ZNF804B: variants seen among roughly 807,000 people sequenced by gnomAD.
The protein encoded by ZNF804B is zinc finger 804B.
ZNF804B carries 80 observed loss-of-function variants against 101.4 expected under a neutral mutation model. The observed-to-expected ratio is 0.79, with a 90% CI of 0.66 to 0.95. The LOEUF is 0.95. Among genes scored for constraint, ZNF804B ranks in the 40% least tolerant of loss-of-function variants. The pLI, the probability that ZNF804B is intolerant of heterozygous loss-of-function variation, is 0.00. For missense variants in ZNF804B, 1,673 were observed against 1,561.9 expected (o/e 1.07, Z -1.20); for synonymous variants, 622 against 558.8 (o/e 1.11, Z -1.59).
At chr7:89,255,413 G>T (rs1789612933) in intron 2 of ZNF804B, among the ~76,000 whole-genome samples, 1 of 152,128 alleles carries the variant, frequency 6.6e-6, no homozygotes, top group Non-Finnish European at 1.5e-5. Context: ...GGAAGAGATA[G>T]ACAAGTAAAA....
chr7:88,833,757 C>T (rs535275301), intron 1 of ZNF804B, among the ~76,000 whole-genome samples: 1 of 151,912 alleles, frequency 6.6e-6, no homozygotes, highest in South Asian at 2.1e-4. Context: ...GAATTTATTT[C>T]ACTAGGGTGA....
chr7:89,039,637 T>C (rs1788984757), intron 1 of ZNF804B, among the ~76,000 whole-genome samples: 1 of 133,232 alleles, frequency 7.5e-6, no homozygotes, highest in Non-Finnish European at 1.6e-5. Flanking sequence ...ATTTATTTTT[T>C]TCTCTTCAAG....
At position 89,309,759 on chromosome 7, in the gene ZNF804B, CAAAAAAAAAAAAAAAAAA is replaced by C. The variant is rs397791531; in HGVS notation, c.250-17564_250-17547del. On this transcript the variant is annotated intron_variant, in intron 2 of 3. Transcript: ENST00000333190. ...TGGGCTACAGAGTGAGACCCTGTCT[CAAAAAAAAAAAAAAAAAA>C]AAAAAAAAAAAAAAAAAAAAGAAGC... Among the ~76,000 whole-genome samples the C allele has an allele frequency of 3.0e-3, 215 of 70,788 alleles. 5 individuals carry two copies. The highest frequency in any genetic ancestry group is 0.011 in the Middle Eastern group (1 of 94). 46.4% of individuals were successfully genotyped at this position (70,788 alleles called of 152,430 possible). A position where few individuals can be genotyped will look rare whatever the true frequency, so the allele number is the denominator to read the frequency against.
At chr7:89,255,355 C>G (rs1789611642) in intron 2 of ZNF804B, among the ~76,000 whole-genome samples, 1 of 152,128 alleles carries the variant, frequency 6.6e-6, no homozygotes, top group African/African-American at 2.4e-5. Flanking sequence ...TTTTGTTGGG[C>G]ACACACAGCA....
At chr7:89,012,672 T>C (rs1376439245) in intron 1 of ZNF804B, among the ~76,000 whole-genome samples, 1 of 152,136 alleles carries the variant, frequency 6.6e-6, no homozygotes, top group Non-Finnish European at 1.5e-5. Flanking sequence ...GTCAAAGCCA[T>C]TCAACAAGTC....
intron 1 of ZNF804B, among the ~76,000 whole-genome samples, chr7:88,945,754 C>G (rs1793119154): frequency 6.6e-6 from 1 of 151,922 alleles, no homozygotes; most frequent in Non-Finnish European, 1.5e-5. Context: ...TTTGTGTCCT[C>G]TCATTTCCTT....
At chr7:89,218,924 T>A (rs1788938474) in intron 2 of ZNF804B, among the ~76,000 whole-genome samples, 1 of 152,110 alleles carries the variant, frequency 6.6e-6, no homozygotes, top group African/African-American at 2.4e-5. Flanking sequence ...TTGGTCTTGC[T>A]GTCTCAGGGG....
At chr7:89,056,453 T>C (rs1789296875) in intron 1 of ZNF804B, among the ~76,000 whole-genome samples, 1 of 152,086 alleles carries the variant, frequency 6.6e-6, no homozygotes. Context: ...TGTGTCTTCT[T>C]AGAGCTTATG....
intron 3 of ZNF804B, among the ~76,000 whole-genome samples, chr7:89,332,053 A>C (rs1194926252): frequency 2.6e-5 from 4 of 151,280 alleles, no homozygotes; most frequent in African/African-American, 9.7e-5. Context: ...AATCTAATGA[A>C]TTATATATAT....
At chr7:89,290,513 C>A (rs980605602) in intron 2 of ZNF804B, among the ~76,000 whole-genome samples, 3 of 152,190 alleles carry the variant, frequency 2.0e-5, no homozygotes, top group Middle Eastern at 6.8e-3. Flanking sequence ...CCAGGCCTGG[C>A]AGTATTCACC....
At chr7:89,269,129 A>G (rs1254541928) in intron 2 of ZNF804B, among the ~76,000 whole-genome samples, 1 of 152,068 alleles carries the variant, frequency 6.6e-6, no homozygotes, top group African/African-American at 2.4e-5. Context: ...TTTGTTATAT[A>G]TGTATACATG....
chr7:89,150,117 C>T (rs1790850794), intron 1 of ZNF804B, among the ~76,000 whole-genome samples: 1 of 151,952 alleles, frequency 6.6e-6, no homozygotes, highest in African/African-American at 2.4e-5. Flanking sequence ...TGCATTGTCC[C>T]ACTCCATCCC....
chr7:89,139,055 T>A (rs2189068), intron 1 of ZNF804B, among the ~76,000 whole-genome samples: 40,629 of 151,940 alleles, frequency 0.27, 5,459 homozygotes, highest in Admixed American at 0.32. Flanking sequence ...CTCAGAGATA[T>A]TGCAGGTTTT....
chr7:88,908,816 C>A (rs150652491), intron 1 of ZNF804B, among the ~76,000 whole-genome samples: 53 of 151,890 alleles, frequency 3.5e-4, no homozygotes, highest in African/African-American at 1.3e-3. Context: ...TCTGTCATGT[C>A]TTCTACTGGC....
chr7:89,009,223 T>C (rs1222722869), intron 1 of ZNF804B, among the ~76,000 whole-genome samples: 1 of 152,188 alleles, frequency 6.6e-6, no homozygotes, highest in Non-Finnish European at 1.5e-5. Context: ...CTCTGACTTC[T>C]TTATCACTTT....
At chr7:89,167,208 G>C (rs1231727005) in intron 1 of ZNF804B, among the ~76,000 whole-genome samples, 2 of 151,842 alleles carry the variant, frequency 1.3e-5, no homozygotes, top group African/African-American at 4.8e-5. Flanking sequence ...GGCTGAGATG[G>C]GTGGATCACC....
intron 1 of ZNF804B, among the ~76,000 whole-genome samples, chr7:89,062,383 C>T (rs1437814085): frequency 1.3e-5 from 2 of 152,072 alleles, no homozygotes; most frequent in East Asian, 1.9e-4. Flanking sequence ...CAAACCCTTG[C>T]CCTAAGCAAT....
intron 1 of ZNF804B, among the ~76,000 whole-genome samples, chr7:89,040,356 T>TTCTTGCTTCTACTTGATTGAA (rs566795696): frequency 4.7e-4 from 72 of 152,250 alleles, no homozygotes; most frequent in African/African-American, 1.6e-3. Flanking sequence ...AACTCACTAG[T>TTCTTGCTTCTACTTGATTGAA]TCTTGCTTCT....
chr7:89,191,982 A>G (rs1427429540), intron 1 of ZNF804B, among the ~76,000 whole-genome samples: 2 of 152,172 alleles, frequency 1.3e-5, no homozygotes, highest in East Asian at 3.9e-4. Flanking sequence ...AGAAATAATT[A>G]TAAACTCTAA....
Sources: allele counts gnomAD v4.1 joint callset (sites outside exome capture counted in the v4.1 genomes callset), GRCh38; gene constraint gnomAD v4.1.1; transcripts MANE v1.5; gene names NCBI Gene and HGNC (gene_info 2026-07-23, HGNC 2026-07-21).